CYB5R4: variants seen among roughly 807,000 people sequenced by gnomAD.
The protein encoded by CYB5R4 is N-terminal cytochrome b5 and cytochrome b5 oxidoreductase domain-containing protein.
A neutral mutation model predicts 70.2 loss-of-function variants in CYB5R4; 55 were observed. The ratio of observed to expected loss-of-function variants is 0.78; its 90% confidence interval spans 0.63 to 0.98. The LOEUF is 0.98. CYB5R4 is among the 50% of genes least tolerant of loss of function. CYB5R4 has a pLI of 0.00. For synonymous variants in CYB5R4, 197 were observed against 199.5 expected, an observed-to-expected ratio of 0.99 and a Z score of 0.11; for missense variants, 562 against 612.6, an observed-to-expected ratio of 0.92 and a Z score of 0.87.
chr6:83,955,315 T>C lies in CYB5R4; in HGVS notation c.1364T>C (p.Val455Ala), dbSNP rs2099472167. Reference sequence around the variant, plus strand: ...TTCCCTAGACTGGATGTTGAATTTGTTCTCTCAGCACCTATTTCTGAATGG... The same window carrying C: ...TTCCCTAGACTGGATGTTGAATTTGCTCTCTCAGCACCTATTTCTGAATGG... ...FKDKRLDVEF[V>A]LSAPISEWNG... Residue 455 changes from valine to alanine, a missense_variant, in exon 15 of 16, where the codon GTT (valine) becomes GCT (alanine). Val to Ala is a moderately conservative substitution (Grantham distance 64). Transcript: ENST00000369681. 2 of 1,612,298 alleles carry C rather than the reference T, an allele frequency of 1.2e-6. No homozygotes were observed. Among genetic ancestry groups the C allele is most frequent in the Non-Finnish European group, 1.7e-6 (2 of 1,179,170 alleles).
At chr6:83,949,870 G>C (rs1226074860) in intron 14 of CYB5R4, among the ~76,000 whole-genome samples, 1 of 152,156 alleles carries the variant, frequency 6.6e-6, no homozygotes, top group African/African-American at 2.4e-5. Context: ...CTACACCACA[G>C]AATCATTTGG....
intron 12 of CYB5R4, among the ~76,000 whole-genome samples, chr6:83,937,143 C>T (rs574566194): frequency 1.3e-4 from 20 of 152,088 alleles, no homozygotes; most frequent in Admixed American, 9.2e-4. Flanking sequence ...GGTATGATGG[C>T]GGGCGCCTGT....
At chr6:83,880,958 A>G (rs1041810794) in intron 2 of CYB5R4, among the ~76,000 whole-genome samples, 1 of 152,144 alleles carries the variant, frequency 6.6e-6, no homozygotes, top group Admixed American at 6.5e-5. Context: ...GTAGATCATA[A>G]TGTTTTGACA....
chr6:83,940,348 C>T, intron 13 of CYB5R4, 142 bp downstream of exon 13: 1 of 1,094,406 alleles, frequency 9.1e-7, no homozygotes, highest in Non-Finnish European at 1.3e-6. Context: ...TCCTCTAATC[C>T]TAGCTATTTT....
intron 2 of CYB5R4, among the ~76,000 whole-genome samples, chr6:83,878,497 G>A (rs2099458936): frequency 6.6e-6 from 1 of 152,008 alleles, no homozygotes; most frequent in South Asian, 2.1e-4. Context: ...ACAGGCACAC[G>A]CCACCACGCC....
At chr6:83,887,153 A>G (rs189084750) in intron 2 of CYB5R4, among the ~76,000 whole-genome samples, 416 of 152,276 alleles carry the variant, frequency 2.7e-3, no homozygotes, top group African/African-American at 9.7e-3. Flanking sequence ...TTTTAGGTAA[A>G]AAAATGATAT....
intron 9 of CYB5R4, among the ~76,000 whole-genome samples, chr6:83,923,737 C>T (rs546818444): frequency 7.2e-5 from 11 of 152,094 alleles, no homozygotes; most frequent in African/African-American, 2.4e-4. Flanking sequence ...TCATGAGGCT[C>T]TTCTTGTGTT....
intron 1 of CYB5R4, among the ~76,000 whole-genome samples, chr6:83,863,507 T>G (rs1392426573): frequency 6.6e-6 from 1 of 152,234 alleles, no homozygotes; most frequent in Non-Finnish European, 1.5e-5. Context: ...CTTTACCTTT[T>G]CTTCTGTCAA....
At position 83,901,324 on chromosome 6, in the gene CYB5R4, G is replaced by A. The variant is rs139451979; in HGVS notation, c.331-7685G>A. The stretch of plus-strand genomic sequence containing the variant: ...TCTTCTGGCTTGTAGAGTTTCTGCC[G>A]AGAGATCAGCTGTCTGATGGGCTTC... On this transcript the variant is annotated intron_variant, in intron 3 of 15. Coordinates refer to ENST00000369681, the MANE Select transcript of CYB5R4 (RefSeq NM_016230.4). 8.0e-3 allele frequency among the ~76,000 whole-genome samples: 1,215 copies of A among 152,290 alleles called. 15 individuals carry two copies. Among genetic ancestry groups the A allele is most frequent in the African/African-American group, 0.027 (1,137 of 41,564 alleles).
At chr6:83,935,210 T>C (rs1407543748) in intron 11 of CYB5R4, among the ~76,000 whole-genome samples, 6 of 152,322 alleles carry the variant, frequency 3.9e-5, no homozygotes, top group Non-Finnish European at 1.5e-5. Context: ...AAATATGAAT[T>C]CTTTTTTCTT....
chr6:83,909,194 T>C, intron 4 of CYB5R4, 104 bp downstream of exon 4: 2 of 852,772 alleles, frequency 2.3e-6, no homozygotes, highest in Non-Finnish European at 3.6e-6. Context: ...TATGGTTTTG[T>C]AATTTTCATT....
intron 2 of CYB5R4, among the ~76,000 whole-genome samples, chr6:83,881,511 T>G (rs565202699): frequency 2.0e-5 from 3 of 152,346 alleles, no homozygotes; most frequent in Admixed American, 2.0e-4. Context: ...CGATAACTTC[T>G]TACACTATGA....
At chr6:83,872,884 C>T (rs2099457864) in intron 2 of CYB5R4, among the ~76,000 whole-genome samples, 4 of 152,042 alleles carry the variant, frequency 2.6e-5, no homozygotes. Context: ...GGAGTAGTTC[C>T]CTGAACAAAA....
chr6:83,895,523 A>C (rs1310330069), intron 3 of CYB5R4, among the ~76,000 whole-genome samples: 1 of 152,130 alleles, frequency 6.6e-6, no homozygotes, highest in African/African-American at 2.4e-5. Flanking sequence ...CATTTGCCTA[A>C]AAACTTACCT....
intron 3 of CYB5R4, 147 bp from the exon 4 acceptor site, chr6:83,908,862 C>T: frequency 3.2e-6 from 2 of 619,290 alleles, no homozygotes; most frequent in South Asian, 3.9e-5. Context: ...CTTTCTATCA[C>T]ACCCTGGTAG....
intron 14 of CYB5R4, 128 bp downstream of exon 14, chr6:83,940,729 T>C: frequency 9.1e-7 from 1 of 1,101,382 alleles, no homozygotes; most frequent in Non-Finnish European, 1.2e-6. Context: ...AAACCAATAA[T>C]TCTCTAACTA....
At chr6:83,939,975 G>T in intron 12 of CYB5R4, 81 bp from the exon 13 acceptor site, 1 of 975,720 alleles carries the variant, frequency 1.0e-6, no homozygotes, top group Non-Finnish European at 1.5e-6. Flanking sequence ...GCTAGTTTTG[G>T]CTTCTTAGTT....
intron 2 of CYB5R4, among the ~76,000 whole-genome samples, chr6:83,864,649 C>T (rs2099456470): frequency 6.6e-6 from 1 of 152,048 alleles, no homozygotes; most frequent in Non-Finnish European, 1.5e-5. Context: ...GTTTATATAG[C>T]AATAACTTTC....
intron 10 of CYB5R4, among the ~76,000 whole-genome samples, chr6:83,928,858 C>T (rs1271802880): frequency 6.6e-6 from 1 of 152,082 alleles, no homozygotes; most frequent in Non-Finnish European, 1.5e-5. Context: ...TACTGAGAAC[C>T]TGGGCTGACC....
Sources: allele counts gnomAD v4.1 joint callset (sites outside exome capture counted in the v4.1 genomes callset), GRCh38; gene constraint gnomAD v4.1.1; transcripts MANE v1.5; gene names NCBI Gene and HGNC (gene_info 2026-07-23, HGNC 2026-07-21).